The following MAN2A1 variants were observed in gnomAD, a reference collection of about 807,000 sequenced individuals.
The protein encoded by MAN2A1 is alpha-mannosidase 2.
Under a neutral mutation model 142.6 loss-of-function variants are expected in MAN2A1, and 76 were observed. The observed-to-expected ratio is 0.53, with a 90% confidence interval of 0.44 to 0.65. The LOEUF (loss-of-function observed/expected upper bound fraction) is 0.65. Ranked by LOEUF, MAN2A1 falls within the 30% of genes least tolerant of loss-of-function variation. MAN2A1 has a pLI of 0.00. For missense variants in MAN2A1, 1,311 were observed against 1,365.1 expected (o/e 0.96, Z 0.62); for synonymous variants, 559 against 473.2 (o/e 1.18, Z -2.35).
chr5:109,861,691 T>C (rs1430215181), intron 20 of MAN2A1, among the ~76,000 whole-genome samples: 2 of 152,188 alleles, frequency 1.3e-5, no homozygotes, highest in African/African-American at 4.8e-5. Flanking sequence ...GCCAGTAATG[T>C]GGTCCTGGGA....
chr5:109,831,911 T>G (rs943998673), intron 16 of MAN2A1, among the ~76,000 whole-genome samples: 5 of 151,940 alleles, frequency 3.3e-5, no homozygotes, highest in Non-Finnish European at 7.4e-5. Context: ...TAAAAATTAT[T>G]ATTTGTATGC....
At chr5:109,846,096 G>C (rs1405089022) in intron 18 of MAN2A1, 90 bp downstream of exon 18, 1 of 1,134,724 alleles carries the variant, frequency 8.8e-7, no homozygotes. Flanking sequence ...ATAATCTCTA[G>C]TTAAAACCTC....
At chr5:109,734,676 T>C (rs961008471) in intron 4 of MAN2A1, among the ~76,000 whole-genome samples, 1 of 151,942 alleles carries the variant, frequency 6.6e-6, no homozygotes. Flanking sequence ...TGTAGTTGAG[T>C]GGTTTTGAGT....
At chr5:109,718,367 A>G (rs1751512399) in intron 3 of MAN2A1, among the ~76,000 whole-genome samples, 2 of 152,226 alleles carry the variant, frequency 1.3e-5, no homozygotes, top group African/African-American at 2.4e-5. Flanking sequence ...CTGTAATAAT[A>G]AAATCCATGG....
intron 20 of MAN2A1, chr5:109,864,804 G>C: frequency 6.4e-6 from 3 of 467,684 alleles, no homozygotes; most frequent in Non-Finnish European, 1.1e-5. Context: ...AAGGCATGAG[G>C]TTACCTAACA....
chr5:109,812,737 G>A (rs1039078938), intron 12 of MAN2A1, among the ~76,000 whole-genome samples: 3 of 151,920 alleles, frequency 2.0e-5, no homozygotes, highest in South Asian at 2.1e-4. Context: ...TTATATTTTC[G>A]AAGAATTGAA....
intron 4 of MAN2A1, among the ~76,000 whole-genome samples, chr5:109,735,272 A>G (rs1752055396): frequency 6.6e-6 from 1 of 152,032 alleles, no homozygotes; most frequent in Non-Finnish European, 1.5e-5. Flanking sequence ...GTGTCTCTGC[A>G]CGTGAGATGG....
chr5:109,844,218 C>T (rs543282040), intron 17 of MAN2A1, among the ~76,000 whole-genome samples: 3 of 152,174 alleles, frequency 2.0e-5, no homozygotes, highest in African/African-American at 7.2e-5. Flanking sequence ...TGTGAATTTT[C>T]TTTTTGAGGA....
intron 3 of MAN2A1, among the ~76,000 whole-genome samples, chr5:109,729,020 A>T (rs1313230396): frequency 7.7e-6 from 1 of 129,290 alleles, no homozygotes; most frequent in Non-Finnish European, 1.6e-5. Flanking sequence ...AAAATTCCTT[A>T]GAGATAAAAA....
intron 19 of MAN2A1, chr5:109,854,913 G>A (rs987570276): frequency 5.5e-6 from 2 of 362,420 alleles, no homozygotes; most frequent in African/African-American, 4.2e-5. Context: ...TAAATCAATG[G>A]AAGATATATT....
chr5:109,698,463 A>G (rs186025368), intron 1 of MAN2A1, among the ~76,000 whole-genome samples: 2 of 152,378 alleles, frequency 1.3e-5, no homozygotes, highest in Admixed American at 1.3e-4. Flanking sequence ...AAATTGCAGT[A>G]TACTGAGTCC....
intron 15 of MAN2A1, among the ~76,000 whole-genome samples, chr5:109,822,171 C>CTT (rs1279030258): frequency 5.7e-5 from 7 of 122,998 alleles, no homozygotes; most frequent in East Asian, 2.4e-4. Context: ...TGGGGTTTTT[C>CTT]TTTTTTTTTT....
intron 4 of MAN2A1, among the ~76,000 whole-genome samples, chr5:109,752,057 GT>G (rs1355400515): frequency 3.9e-5 from 6 of 152,082 alleles, no homozygotes; most frequent in African/African-American, 1.4e-4. Flanking sequence ...CAATTGCACT[GT>G]TTGTGTATTA....
At chr5:109,753,468 T>G (rs1480271136) in intron 4 of MAN2A1, among the ~76,000 whole-genome samples, 1 of 152,230 alleles carries the variant, frequency 6.6e-6, no homozygotes, top group East Asian at 1.9e-4. Flanking sequence ...ATATTGTGTT[T>G]CTTTAGACAT....
At chr5:109,727,713 A>G (rs1751784656) in intron 3 of MAN2A1, among the ~76,000 whole-genome samples, 1 of 152,208 alleles carries the variant, frequency 6.6e-6, no homozygotes, top group African/African-American at 2.4e-5. Context: ...ACTGATGATG[A>G]TATCAGTTCT....
chr5:109,782,348 T>C (rs1753482096), intron 9 of MAN2A1, among the ~76,000 whole-genome samples: 1 of 152,216 alleles, frequency 6.6e-6, no homozygotes, highest in South Asian at 2.1e-4. Flanking sequence ...TAGGTACATG[T>C]GACTATTGAG....
At chr5:109,803,384 T>C (rs1037210993) in intron 12 of MAN2A1, among the ~76,000 whole-genome samples, 1 of 152,122 alleles carries the variant, frequency 6.6e-6, no homozygotes, top group African/African-American at 2.4e-5. Flanking sequence ...ACTAATTGCA[T>C]GGTTCTAGTT....
rs572250817 is a variant in MAN2A1 at position 109,786,213 on chromosome 5, C to A, written c.1760+1287C>A. ...GATGATAAAGATGGTATTTCTCCCA[C>A]AGAAACCATTTTTGAAAGTAAGGTC... On this transcript the variant is annotated intron_variant, in intron 10 of 21. Coordinates refer to ENST00000261483, the MANE Select transcript of MAN2A1 (RefSeq NM_002372.4). Among the ~76,000 whole-genome samples the A allele has an allele frequency of 3.3e-5, 5 of 152,184 alleles. No homozygotes were observed. The South Asian group carries it at 6.2e-4, about 19-fold the overall frequency.
chr5:109,836,894 A>G (rs539926552), intron 16 of MAN2A1, among the ~76,000 whole-genome samples: 1 of 152,032 alleles, frequency 6.6e-6, no homozygotes, highest in South Asian at 2.1e-4. Context: ...AAAGTATAGT[A>G]TTGTGTTTGT....
Sources: gnomAD v4.1 joint callset for allele counts (sites outside exome capture counted in the v4.1 genomes callset) on GRCh38, gnomAD v4.1.1 for gene constraint, MANE v1.5 for transcripts, NCBI Gene and HGNC (gene_info 2026-07-23, HGNC 2026-07-21) for gene names.